The following CRYBG1 variants were observed in gnomAD, a reference collection of about 807,000 sequenced individuals.
CRYBG1 encodes beta/gamma crystallin domain-containing protein 1.
In CRYBG1, 139 loss-of-function variants were observed where a neutral mutation model predicts 189.2. That is an observed-to-expected ratio of 0.73 (90% CI 0.64 to 0.85). CRYBG1 has a LOEUF of 0.85. Ranked by LOEUF, CRYBG1 falls within the 40% of genes least tolerant of loss-of-function variation. CRYBG1 has a pLI of 0.00. For synonymous variants in CRYBG1, 1,023 were observed against 1,017.1 expected, an observed-to-expected ratio of 1.01 and a Z score of -0.11; for missense variants, 2,611 against 2,675.8, an observed-to-expected ratio of 0.98 and a Z score of 0.53.
chr6:106,419,295 C>T (rs1771081906), intron 1 of CRYBG1, among the ~76,000 whole-genome samples: 1 of 152,186 alleles, frequency 6.6e-6, no homozygotes. Flanking sequence ...GACTTTCGTA[C>T]CCTTACTAAC....
intron 1 of CRYBG1, among the ~76,000 whole-genome samples, chr6:106,404,206 A>G (rs998714003): frequency 1.3e-5 from 2 of 152,226 alleles, no homozygotes; most frequent in Non-Finnish European, 1.5e-5. Flanking sequence ...CTGCGAGGTT[A>G]GATGCCTAGG....
At chr6:106,550,830 CTGTT>C (rs900391665) in intron 13 of CRYBG1, among the ~76,000 whole-genome samples, 7 of 151,712 alleles carry the variant, frequency 4.6e-5, no homozygotes, top group African/African-American at 1.4e-4. Flanking sequence ...CTTGAAAGTC[CTGTT>C]TGTTTTGTTT....
chr6:106,555,686 G>A (rs1774519656), intron 16 of CRYBG1, 82 bp from the exon 17 acceptor site: 2 of 1,495,964 alleles, frequency 1.3e-6, no homozygotes, highest in Non-Finnish European at 1.8e-6. Flanking sequence ...TTTATAGCAG[G>A]CCACCTCTAA....
chr6:106,462,319 C>T (rs376440609), intron 2 of CRYBG1, among the ~76,000 whole-genome samples: 2 of 152,074 alleles, frequency 1.3e-5, no homozygotes, highest in African/African-American at 4.8e-5. Context: ...TACAGGCGCC[C>T]GCCACCATGC....
intron 15 of CRYBG1, among the ~76,000 whole-genome samples, chr6:106,553,071 C>T (rs1469072258): frequency 6.6e-6 from 1 of 152,182 alleles, no homozygotes; most frequent in Non-Finnish European, 1.5e-5. Flanking sequence ...CAAGTGTCTT[C>T]CATTGAGAAG....
chr6:106,380,268 C>G (rs1770260258), intron 1 of CRYBG1, among the ~76,000 whole-genome samples: 1 of 152,152 alleles, frequency 6.6e-6, no homozygotes, highest in South Asian at 2.1e-4. Flanking sequence ...TGAGCAATTT[C>G]AAATATCTCT....
chr6:106,533,194 G>A (rs192357042), intron 8 of CRYBG1, among the ~76,000 whole-genome samples: 40 of 152,346 alleles, frequency 2.6e-4, no homozygotes, highest in African/African-American at 9.6e-4. Flanking sequence ...CAGGAAGTGA[G>A]GGAGTCTGCC....
chr6:106,566,979 T>C (rs1288025209), intron 21 of CRYBG1, among the ~76,000 whole-genome samples: 2 of 152,204 alleles, frequency 1.3e-5, no homozygotes, highest in Non-Finnish European at 2.9e-5. Flanking sequence ...GGAAGCTGAT[T>C]CATGTTCACT....
At chr6:106,548,869 A>G (rs1460904299) in intron 13 of CRYBG1, among the ~76,000 whole-genome samples, 1 of 147,902 alleles carries the variant, frequency 6.8e-6, no homozygotes, top group Non-Finnish European at 1.5e-5. Flanking sequence ...CATTAGGTAT[A>G]TCTCCTAATG....
chr6:106,384,583 C>T (rs1416593346), intron 1 of CRYBG1, among the ~76,000 whole-genome samples: 2 of 152,060 alleles, frequency 1.3e-5, no homozygotes, highest in East Asian at 3.9e-4. Context: ...CTTGCAGTCA[C>T]TGAAGAAAAC....
intron 1 of CRYBG1, among the ~76,000 whole-genome samples, chr6:106,423,591 G>A (rs896306843): frequency 4.0e-5 from 6 of 150,654 alleles, no homozygotes; most frequent in Admixed American, 1.3e-4. Flanking sequence ...TTTTCCAGTT[G>A]AACTGTGGAG....
intron 8 of CRYBG1, among the ~76,000 whole-genome samples, chr6:106,537,242 A>G (rs947954006): frequency 3.3e-5 from 5 of 152,256 alleles, no homozygotes; most frequent in Non-Finnish European, 7.3e-5. Context: ...TACTTCGGTA[A>G]GAATCATTTC....
chr6:106,437,288 G>T (rs968522120), intron 1 of CRYBG1, among the ~76,000 whole-genome samples: 3 of 151,870 alleles, frequency 2.0e-5, no homozygotes, highest in African/African-American at 7.3e-5. Flanking sequence ...TATTTATATG[G>T]TTTCTTTAGC....
chr6:106,481,119 G>A (rs981792965), intron 2 of CRYBG1, among the ~76,000 whole-genome samples: 1 of 102,934 alleles, frequency 9.7e-6, no homozygotes, highest in African/African-American at 4.1e-5. Context: ...GACTACAGGC[G>A]CCCGCCACCA....
intron 2 of CRYBG1, among the ~76,000 whole-genome samples, chr6:106,456,246 C>A (rs1299810634): frequency 6.6e-6 from 1 of 152,108 alleles, no homozygotes; most frequent in African/African-American, 2.4e-5. Context: ...CTCTGCCTCC[C>A]AGGTTCAAAC....
intron 6 of CRYBG1, 93 bp from the exon 7 acceptor site, chr6:106,527,212 A>G: frequency 2.0e-6 from 2 of 1,003,606 alleles, no homozygotes; most frequent in Non-Finnish European, 1.4e-6. Flanking sequence ...TATTCTATAT[A>G]TATATATAAA....
Position 106,567,915 on chromosome 6 carries a change from A to G in CRYBG1, c.6302-557A>G, listed in dbSNP as rs141624591. Among the ~76,000 whole-genome samples the G allele has an allele frequency of 2.0e-5, 3 of 152,198 alleles. No homozygotes were observed. The East Asian group carries it at 5.8e-4, about 29-fold the overall frequency. ...ACCAACTGAGTCCCCAGTAGTGACA[A>G]TGCTACCGCGTCCCCTTATGTACTT... On this transcript the variant is annotated intron_variant, in intron 21 of 21. Transcript: ENST00000633556.
intron 1 of CRYBG1, among the ~76,000 whole-genome samples, chr6:106,436,918 C>G (rs1472091167): frequency 6.7e-6 from 1 of 149,024 alleles, no homozygotes; most frequent in Non-Finnish European, 1.5e-5. Context: ...ACCCCCCCCA[C>G]CCCCGAGTAG....
intron 1 of CRYBG1, among the ~76,000 whole-genome samples, chr6:106,391,277 T>C (rs189048869): frequency 2.5e-3 from 378 of 152,306 alleles, no homozygotes; most frequent in African/African-American, 8.0e-3. Context: ...AGATGGGGTT[T>C]CACCATGTTG....
Sources: allele counts gnomAD v4.1 joint callset (sites outside exome capture counted in the v4.1 genomes callset), GRCh38; gene constraint gnomAD v4.1.1; transcripts MANE v1.5; gene names NCBI Gene and HGNC (gene_info 2026-07-23, HGNC 2026-07-21).